The following PDIA6 variants were observed in gnomAD, a reference collection of about 807,000 sequenced individuals.
PDIA6 encodes the protein protein disulfide isomerase family A member 6.
In PDIA6, 29 loss-of-function variants were observed where a neutral mutation model predicts 58.4. The ratio of observed to expected loss-of-function variants is 0.50; its 90% CI spans 0.37 to 0.68. The LOEUF is 0.68. Among genes scored for constraint, PDIA6 ranks in the 30% least tolerant of loss-of-function variants. The probability of loss-of-function intolerance (pLI) is 0.00; values close to 1 mark genes in which losing one functional copy is unlikely to be tolerated. For synonymous variants in PDIA6, 192 were observed against 202.6 expected (o/e 0.95, Z 0.44); for missense variants, 480 against 551.0 (o/e 0.87, Z 1.29).
At chr2:10,791,513 G>T (rs990709952) in intron 6 of PDIA6, among the ~76,000 whole-genome samples, 22 of 152,122 alleles carry the variant, frequency 1.4e-4, no homozygotes, top group Non-Finnish European at 2.5e-4. Flanking sequence ...AAAACATTTT[G>T]TGTGTGGCTT....
At chr2:10,806,091 G>A (rs1178521662) in intron 1 of PDIA6, among the ~76,000 whole-genome samples, 4 of 150,336 alleles carry the variant, frequency 2.7e-5, no homozygotes, top group Admixed American at 2.7e-4. Context: ...ATACTGGCCA[G>A]GTGCTATGGG....
Position 10,784,897 on chromosome 2 carries a change from G to A in PDIA6, c.1254+37C>T, listed in dbSNP as rs749348438. On this transcript the variant is annotated intron_variant, in intron 12 of 12. Transcript: ENST00000272227. ...GCACAGGCTCAAGAGAGTAAACCAG[G>A]ACTGCTGCCCGCACAGCTTCCCTCC... 9.2e-6 allele frequency: 13 copies of A among 1,406,752 alleles called. No individual in the cohort carries two copies. In the African/African-American group the frequency reaches 1.6e-4, roughly 17 times the overall value. The allele number at this position is 1,406,752 out of a possible 1,614,324, so 87.1% of individuals were successfully genotyped here.
At chr2:10,802,694 G>A (rs1345792677) in intron 1 of PDIA6, 54 bp from the exon 2 acceptor site, 16 of 1,322,326 alleles carry the variant, frequency 1.2e-5, no homozygotes, top group Non-Finnish European at 1.6e-5. Flanking sequence ...GCTTTGACTG[G>A]AAACCCTGGG....
chr2:10,826,767 A>G (rs2148580655), intron 1 of PDIA6, among the ~76,000 whole-genome samples: 1 of 152,222 alleles, frequency 6.6e-6, no homozygotes, highest in East Asian at 1.9e-4. Context: ...GACATAGAAG[A>G]AAAATCTGCC....
chr2:10,811,935 C>T (rs1055799834), intron 1 of PDIA6, among the ~76,000 whole-genome samples: 5 of 152,194 alleles, frequency 3.3e-5, no homozygotes, highest in Non-Finnish European at 7.3e-5. Flanking sequence ...GTTTCTGAGA[C>T]AGAGTTTCAC....
chr2:10,829,288 C>T (rs76096569), intron 1 of PDIA6, among the ~76,000 whole-genome samples: 21,898 of 152,162 alleles, frequency 0.14, 2,165 homozygotes, highest in African/African-American at 0.27. Flanking sequence ...GGACACCTCC[C>T]GCCCCCAGGC....
chr2:10,833,516 C>T (rs1483047389), upstream of PDIA6, among the ~76,000 whole-genome samples: 1 of 152,150 alleles, frequency 6.6e-6, no homozygotes, highest in African/African-American at 2.4e-5. Flanking sequence ...CTCAAAAACC[C>T]ACAGCGGGCT....
intron 1 of PDIA6, among the ~76,000 whole-genome samples, chr2:10,828,556 G>A (rs544971122): frequency 1.3e-4 from 20 of 152,262 alleles, no homozygotes; most frequent in Middle Eastern, 3.4e-3. Context: ...GCACTCTTCC[G>A]CCCATGCAGA....
chr2:10,799,489 G>C (rs1184636381), intron 2 of PDIA6, among the ~76,000 whole-genome samples: 2 of 152,200 alleles, frequency 1.3e-5, no homozygotes, highest in African/African-American at 4.8e-5. Context: ...AGAGCTGCCT[G>C]ACAAGTTTTT....
At chr2:10,822,674 A>G (rs1416333199) in intron 1 of PDIA6, among the ~76,000 whole-genome samples, 1 of 152,388 alleles carries the variant, frequency 6.6e-6, no homozygotes, top group Non-Finnish European at 1.5e-5. Flanking sequence ...TTCACCCTCT[A>G]TACCATCTAA....
intron 1 of PDIA6, among the ~76,000 whole-genome samples, chr2:10,811,023 A>G (rs968853666): frequency 6.6e-6 from 1 of 152,182 alleles, no homozygotes; most frequent in Admixed American, 6.5e-5. Flanking sequence ...TCTGTCCCAC[A>G]TCTGCTAGGA....
intron 6 of PDIA6, 120 bp downstream of exon 6, chr2:10,791,675 G>A: frequency 1.1e-6 from 1 of 872,942 alleles, no homozygotes; most frequent in Non-Finnish European, 1.7e-6. Context: ...CTTAGAGTCA[G>A]AGTTTTGCTG....
chr2:10,817,982 G>T (rs1026881169), intron 2 of PDIA6, among the ~76,000 whole-genome samples: 2 of 151,806 alleles, frequency 1.3e-5, no homozygotes, highest in African/African-American at 2.4e-5. Flanking sequence ...TCCGACAGGG[G>T]ACATGTACCT....
chr2:10,787,358 G>A lies in PDIA6; in HGVS notation c.1080C>T (p.Ala360=), dbSNP rs767901466. ...GIGGFGYPAM[A]AINARKMKFA... ...ATTTCATCTTGCGTGCATTGATGGCGGCCATGGCGGGGTACCCAAACCCTC... is the reference window on the plus strand; with the variant it reads ...ATTTCATCTTGCGTGCATTGATGGCAGCCATGGCGGGGTACCCAAACCCTC... The change falls in exon 11 of 13, where the codon GCC becomes GCT. Residue 360 remains alanine, a synonymous_variant. Transcript: ENST00000272227. 21 of 1,613,946 alleles carry A rather than the reference G, an allele frequency of 1.3e-5. No individual in the cohort carries two copies. The highest frequency in any genetic ancestry group is 6.7e-5 in the East Asian group (3 of 44,890).
At chr2:10,795,747 T>C (rs1558444454) in intron 4 of PDIA6, among the ~76,000 whole-genome samples, 2 of 152,232 alleles carry the variant, frequency 1.3e-5, no homozygotes, top group East Asian at 3.9e-4. Flanking sequence ...ACAGATTCTG[T>C]ACCCCTCACC....
chr2:10,832,546 C>T (rs545398097), upstream of PDIA6: 20 of 475,476 alleles, frequency 4.2e-5, no homozygotes, highest in African/African-American at 4.0e-4. Context: ...CAGGCTGCTG[C>T]GGGGATGCGT....
At chr2:10,801,658 T>C (rs922971207) in intron 2 of PDIA6, among the ~76,000 whole-genome samples, 15 of 152,132 alleles carry the variant, frequency 9.9e-5, no homozygotes, top group Admixed American at 4.6e-4. Context: ...ACTTTGAAAA[T>C]AGAGCGTTTT....
chr2:10,789,948 T>A, intron 7 of PDIA6, 59 bp from the exon 8 acceptor site: 9 of 1,449,844 alleles, frequency 6.2e-6, no homozygotes, highest in Non-Finnish European at 8.6e-6. Context: ...AATAACACAA[T>A]CTTTACAGTT....
Position 10,832,437 on chromosome 2 carries a change from T to C in PDIA6, c.-283A>G, listed in dbSNP as rs1047270338. On this transcript the variant is annotated 5_prime_UTR_variant, in exon 1 of 14. Transcript: ENST00000381611. ...CTGGTGGGATTCTATTAATTCCTGT[T>C]TGAAGCACGAGGCCAGGAGACCTAA... 1.6e-5 allele frequency: 16 copies of C among 985,352 alleles called. No individual in the cohort carries two copies. In the African/African-American group the frequency reaches 2.3e-4, roughly 14 times the overall value. The allele number at this position is 985,352 out of a possible 1,614,324, so 61.0% of individuals were successfully genotyped here.
Sources: gnomAD v4.1 joint callset for allele counts (sites outside exome capture counted in the v4.1 genomes callset) on GRCh38, gnomAD v4.1.1 for gene constraint, MANE v1.5 for transcripts, NCBI Gene and HGNC (gene_info 2026-07-23, HGNC 2026-07-21) for gene names.